The following RAB39A variants were observed in gnomAD, a reference collection of about 807,000 sequenced individuals.
RAB39A encodes RAB39A, member RAS oncogene family, also known as ras-related protein Rab-39A.
Under a neutral mutation model 20.9 loss-of-function variants are expected in RAB39A, and 17 were observed. The observed-to-expected ratio is 0.81, with a 90% CI of 0.56 to 1.22. The LOEUF (loss-of-function observed/expected upper bound fraction) is 1.22, where lower values mean the gene tolerates loss of function less well. Among genes scored for constraint, RAB39A ranks in the 50% most tolerant of loss-of-function variants. The probability of loss-of-function intolerance (pLI) is 0.00; values close to 1 mark genes in which losing one functional copy is unlikely to be tolerated. For synonymous variants in RAB39A, 99 were observed against 103.4 expected, an observed-to-expected ratio of 0.96 and a Z score of 0.26; for missense variants, 234 against 270.5, an observed-to-expected ratio of 0.87 and a Z score of 0.95.
chr11:107,932,069 C>A (rs1200388475), intron 1 of RAB39A, among the ~76,000 whole-genome samples: 1 of 151,822 alleles, frequency 6.6e-6, no homozygotes, highest in Non-Finnish European at 1.5e-5. Flanking sequence ...GGCCATGTTG[C>A]CCAGGTTGGT....
chr11:107,955,683 A>G (rs1861427715), intron 1 of RAB39A, among the ~76,000 whole-genome samples: 1 of 152,124 alleles, frequency 6.6e-6, no homozygotes, highest in Non-Finnish European at 1.5e-5. Flanking sequence ...TACTAAAAAT[A>G]CAAAATTAGC....
chr11:107,932,022 G>C (rs1297350781), intron 1 of RAB39A, among the ~76,000 whole-genome samples: 1 of 151,838 alleles, frequency 6.6e-6, no homozygotes, highest in Non-Finnish European at 1.5e-5. Context: ...ACCACGCCTA[G>C]CTAATTTTTG....
intron 1 of RAB39A, among the ~76,000 whole-genome samples, chr11:107,958,135 G>T (rs757878022): frequency 2.4e-4 from 37 of 152,022 alleles, no homozygotes; most frequent in Admixed American, 6.6e-4. Context: ...CAGGTGATCT[G>T]CCCACCTTGG....
chr11:107,959,843 T>C lies in RAB39A; in HGVS notation c.228-2103T>C, dbSNP rs1331704018. Among the ~76,000 whole-genome samples, 3 of 152,182 alleles carry C rather than the reference T, an allele frequency of 2.0e-5. No homozygotes were observed. The East Asian group carries it at 5.8e-4, about 29-fold the overall frequency. On this transcript the variant is annotated intron_variant, in intron 1 of 1. Coordinates refer to ENST00000320578, the MANE Select transcript of RAB39A (RefSeq NM_017516.3). ...GTCAGATGAGTTTGCTAAAAGACCA[T>C]TGACAAACTGGAAACTGAGACTCAT... is the stretch of plus-strand genomic sequence containing the variant.
chr11:107,944,230 A>G (rs1861287539), intron 1 of RAB39A, among the ~76,000 whole-genome samples: 1 of 152,184 alleles, frequency 6.6e-6, no homozygotes, highest in Admixed American at 6.5e-5. Flanking sequence ...AAGAGGAAGC[A>G]TGGGCAATTG....
In RAB39A at chr11:107,934,136, T is replaced by C. The variant is rs949858660; in HGVS notation, c.227+5341T>C. Among the ~76,000 whole-genome samples, 9 of 152,250 alleles carry C rather than the reference T, an allele frequency of 5.9e-5. No individual in the cohort carries two copies. The East Asian group carries it at 1.5e-3, about 26-fold the overall frequency. ...TATTTTAGGGGCTATTTTTAAAATATGAAAATCTAGGCTGGATGCGGTGAG... is the reference window on the plus strand; with the variant it reads ...TATTTTAGGGGCTATTTTTAAAATACGAAAATCTAGGCTGGATGCGGTGAG... On this transcript the variant is annotated intron_variant, in intron 1 of 1. Coordinates refer to ENST00000320578, the MANE Select transcript of RAB39A (RefSeq NM_017516.3).
intron 1 of RAB39A, among the ~76,000 whole-genome samples, chr11:107,933,377 CTTTTTTT>C (rs71047649): frequency 1.1e-4 from 8 of 73,060 alleles, no homozygotes; most frequent in African/African-American, 4.4e-4. Flanking sequence ...TTTATTCTTT[CTTTTTTT>C]TTTTTTTTTT....
chr11:107,951,763 G>A (rs952910229), intron 1 of RAB39A, among the ~76,000 whole-genome samples: 4 of 151,908 alleles, frequency 2.6e-5, no homozygotes, highest in African/African-American at 9.7e-5. Flanking sequence ...GGGATTATAG[G>A]TCTGAGCCAC....
At chr11:107,942,914 A>C (rs1861274040) in intron 1 of RAB39A, among the ~76,000 whole-genome samples, 1 of 152,198 alleles carries the variant, frequency 6.6e-6, no homozygotes, top group Non-Finnish European at 1.5e-5. Flanking sequence ...CAAGTTCATT[A>C]TTATGTTCAC....
chr11:107,942,330 A>C (rs1306240735), intron 1 of RAB39A, among the ~76,000 whole-genome samples: 1 of 152,182 alleles, frequency 6.6e-6, no homozygotes, highest in Non-Finnish European at 1.5e-5. Context: ...GGCCATTTTG[A>C]TAGGTAAGTA....
intron 1 of RAB39A, among the ~76,000 whole-genome samples, chr11:107,941,819 G>T (rs576245602): frequency 1.3e-5 from 2 of 152,234 alleles, no homozygotes; most frequent in East Asian, 3.9e-4. Flanking sequence ...CGGGCCAGTC[G>T]CAGTGGCTCA....
intron 1 of RAB39A, among the ~76,000 whole-genome samples, chr11:107,947,418 T>A (rs1861330320): frequency 6.6e-6 from 1 of 152,188 alleles, no homozygotes; most frequent in Admixed American, 6.6e-5. Flanking sequence ...AGATGATTTT[T>A]CTTTAAACAA....
Position 107,928,461 on chromosome 11 carries a change from T to C in RAB39A, c.-108T>C, listed in dbSNP as rs1005802565. 14 of 805,538 alleles carry C rather than the reference T, an allele frequency of 1.7e-5. No homozygotes were observed. Among genetic ancestry groups the C allele is most frequent in the East Asian group, 6.6e-5 (2 of 30,234 alleles). 49.9% of individuals were successfully genotyped at this position (805,538 alleles called of 1,614,324 possible). On this transcript the variant is annotated 5_prime_UTR_variant, in exon 1 of 2. An upstream start codon of the reference 5' UTR is lost. Coordinates refer to ENST00000320578, the MANE Select transcript of RAB39A (RefSeq NM_017516.3). This position sits in a 1 kb window ranked among gnomAD's most constrained non-coding sequence, Gnocchi z 4.9. ...GGCGGCGGCCGCAGCCGCAGGAATA[T>C]GCTGGAAGGCGGCGGGCGGGCGCCC...
intron 1 of RAB39A, among the ~76,000 whole-genome samples, chr11:107,932,674 G>C (rs1189566821): frequency 6.6e-6 from 1 of 152,174 alleles, no homozygotes; most frequent in Non-Finnish European, 1.5e-5. Context: ...TGGCACTGTA[G>C]GTGTTAGGGG....
chr11:107,961,863 T>C, intron 1 of RAB39A, 83 bp from the exon 2 acceptor site: 1 of 1,074,456 alleles, frequency 9.3e-7, no homozygotes, highest in Admixed American at 2.6e-5. Flanking sequence ...TATCTTCAAA[T>C]GTTATTATGG....
chr11:107,962,163 T>A lies in RAB39A; in HGVS notation c.445T>A (p.Cys149Ser). The change falls in exon 2 of 2, where the codon TGT (cysteine) becomes AGT (serine). Residue 149 changes from cysteine (C) to serine (S), a missense_variant. By Grantham distance (112) the Cys-to-Ser change is moderately radical (BLOSUM62 -1). Coordinates refer to ENST00000320578, the MANE Select transcript of RAB39A (RefSeq NM_017516.3). ...AGAAGCTGAAAAACTGTCAGCAGAC[T>A]GTGGAATGAAGTATATAGAAACCTC... ...REEAEKLSADCGMKYIETSAK... is the reference protein window; with the variant it reads ...REEAEKLSADSGMKYIETSAK... 1 of 1,614,166 alleles carries A rather than the reference T, an allele frequency of 6.2e-7. No homozygotes were observed. Among genetic ancestry groups the A allele is most frequent in the Non-Finnish European group, 8.5e-7 (1 of 1,180,004 alleles).
chr11:107,947,687 A>G (rs981692876), intron 1 of RAB39A, among the ~76,000 whole-genome samples: 1 of 151,526 alleles, frequency 6.6e-6, no homozygotes, highest in South Asian at 2.1e-4. Flanking sequence ...AACAGGACAC[A>G]TTATAAAAAA....
intron 1 of RAB39A, among the ~76,000 whole-genome samples, chr11:107,954,209 C>A (rs1861410776): frequency 6.6e-6 from 1 of 152,172 alleles, no homozygotes; most frequent in African/African-American, 2.4e-5. Context: ...TTCAGGCCAA[C>A]CTAGGTAAGA....
intron 1 of RAB39A, among the ~76,000 whole-genome samples, chr11:107,946,434 GTGTA>G (rs1488359739): frequency 5.7e-3 from 118 of 20,846 alleles, no homozygotes; most frequent in African/African-American, 0.014. Context: ...GTGTGTGTGT[GTGTA>G]TATATATATA....
Sources: gnomAD v4.1 joint callset for allele counts (sites outside exome capture counted in the v4.1 genomes callset) on GRCh38, gnomAD v4.1.1 for gene constraint, Gnocchi (gnomAD v3.1) non-coding constraint, MANE v1.5 for transcripts, NCBI Gene and HGNC (gene_info 2026-07-23, HGNC 2026-07-21) for gene names.